The following TTN variants were observed in gnomAD, a reference collection of about 807,000 sequenced individuals.
The protein encoded by TTN is connectin.
Under a neutral mutation model 3,223.0 loss-of-function variants are expected in TTN, and 1,525 were observed. The observed-to-expected ratio is 0.47, with a 90% CI of 0.45 to 0.49. The LOEUF (loss-of-function observed/expected upper bound fraction) is 0.49, where lower values mean the gene tolerates loss of function less well. TTN is among the 20% of genes least tolerant of loss of function. TTN has a pLI of 0.00. For missense variants in TTN, 40,786 were observed against 43,424.0 expected (o/e 0.94, Z 5.40); for synonymous variants, 14,094 against 15,161.0 (o/e 0.93, Z 5.17).
Position 178,740,164 on chromosome 2 carries a change from T to C in TTN, c.13069A>G (p.Ile4357Val). ...DNVVMPPDQI[I>V]ESKREPVAIK... Reference sequence around the variant, plus strand: ...GCCACGGGCTCTCTTTTAGACTCAATGATTTGGTCTGGGGGCATCACCACG... The same window carrying C: ...GCCACGGGCTCTCTTTTAGACTCAACGATTTGGTCTGGGGGCATCACCACG... Residue 4357 changes from isoleucine to valine, a missense_variant, in exon 48 of 363, where the codon ATT becomes GTT. Coordinates refer to ENST00000589042, the MANE Select transcript of TTN (RefSeq NM_001267550.2). 1 of 1,613,756 alleles carries C rather than the reference T, an allele frequency of 6.2e-7. No individual in the cohort carries two copies. The highest frequency in any genetic ancestry group is 8.5e-7 in the Non-Finnish European group (1 of 1,179,796).
In TTN at chr2:178,567,572, T is replaced by C; in HGVS notation, c.78560A>G (p.Glu26187Gly). The change falls in exon 326 of 363, where the codon GAG (glutamate) becomes GGG (glycine). Residue 26187 changes from glutamate (E) to glycine (G), a missense_variant. Coordinates refer to ENST00000589042, the MANE Select transcript of TTN (RefSeq NM_001267550.2). Reference sequence around the variant, plus strand: ...CATTGAAATTCTTGGGAGTTCAACCTCATCCTTGGCAGTTATTGGTCCAGT... The same window carrying C: ...CATTGAAATTCTTGGGAGTTCAACCCCATCCTTGGCAGTTATTGGTCCAGT... ...DSTGPITAKD[E>G]VELPRISMDP... The C allele has an allele frequency of 1.9e-6, 3 of 1,609,502 alleles. No homozygotes were observed. The highest frequency in any genetic ancestry group is 1.7e-6 in the Non-Finnish European group (2 of 1,177,222).
rs758532843 is a variant in TTN, at chr2:178,551,063, C to A, written c.91468G>T (p.Asp30490Tyr). 13 of 1,613,342 alleles carry A rather than the reference C, an allele frequency of 8.1e-6. No individual in the cohort carries two copies. Among genetic ancestry groups the A allele is most frequent in the Non-Finnish European group, 1.1e-5 (13 of 1,179,596 alleles). Residue 30490 changes from aspartate to tyrosine, a missense_variant, in exon 336 of 363, where the codon GAT becomes TAT. Physicochemically the swap from Asp to Tyr is radical, Grantham distance 160. Transcript: ENST00000589042. ...QYTVTGLSPG[D>Y]RYEFRIIARN... ...GCAATTATTCTGAACTCATAGCGAT[C>A]CCCAGGACTGAGTCCTGTAACTGTG...
Position 178,733,606 on chromosome 2 carries a change from A to G in TTN, c.15775+8T>C, listed in dbSNP as rs371673901. ...AGCAATTTGAGGTTTAAATGTTCCT[A>G]CACAAACCTTTAACTATTAATTCCC... On this transcript the variant is annotated splice_region_variant and intron_variant, in intron 53 of 362. Transcript: ENST00000589042. 11 of 1,606,954 alleles carry G rather than the reference A, an allele frequency of 6.8e-6. No individual in the cohort carries two copies. The highest frequency in any genetic ancestry group is 8.5e-6 in the Non-Finnish European group (10 of 1,175,058).
In TTN at chr2:178,614,324, A is replaced by G. The variant is rs556089848; in HGVS notation, c.49073T>C (p.Phe16358Ser). ...VLDKPGPPAA[F>S]DITDVTNESC... ...CTCATTGGTTACATCTGTGATGTCA[A>G]AGGCAGCTGGTGGTCCGGGTTTATC... Residue 16358 changes from phenylalanine to serine, a missense_variant, in exon 262 of 363, where the codon TTT becomes TCT. Physicochemically the swap from Phe to Ser is radical, Grantham distance 155 (BLOSUM62 -2). Transcript: ENST00000589042. 3.1e-6 allele frequency: 5 copies of G among 1,612,720 alleles called. No individual in the cohort carries two copies. In the South Asian group the frequency reaches 5.5e-5, roughly 18 times the overall value.
At chr2:178,667,779 A>G in intron 159 of TTN, 58 bp from the exon 160 acceptor site, 1 of 1,229,096 alleles carries the variant, frequency 8.1e-7, no homozygotes, top group Non-Finnish European at 1.1e-6. Flanking sequence ...AAAGAAGTGT[A>G]TTAAGAAAAA....
Position 178,775,662 on chromosome 2 carries a change from T to C in TTN, c.6202A>G (p.Lys2068Glu). The C allele has an allele frequency of 6.2e-7, 1 of 1,614,132 alleles. No individual in the cohort carries two copies. Among genetic ancestry groups the C allele is most frequent in the Non-Finnish European group, 8.5e-7 (1 of 1,180,006 alleles). Residue 2068 changes from lysine to glutamate, a missense_variant, in exon 28 of 363, where the codon AAG (lysine) becomes GAG (glutamate). Coordinates refer to ENST00000589042, the MANE Select transcript of TTN (RefSeq NM_001267550.2). ...TCCATACTAGGACTTAGTTCAATCT[T>C]GTCAGGTTTAAAAGTTGGAATCGTG... ...KITIPTFKPDKIELSPSMEAP... is the reference protein window; with the variant it reads ...KITIPTFKPDEIELSPSMEAP...
In TTN at chr2:178,597,757, C is replaced by T. The variant is rs945083650; in HGVS notation, c.57325G>A (p.Val19109Met). ...GACACATAGGCAATGATTCGGATCACCCCTCCAGCATGGACAACAATTCTA... is the reference window on the plus strand; with the variant it reads ...GACACATAGGCAATGATTCGGATCATCCCTCCAGCATGGACAACAATTCTA... The part of the protein sequence containing the change: ...RDRIVVHAGG[V>M]IRIIAYVSGK... The change falls in exon 294 of 363, where the codon GTG (valine) becomes ATG (methionine). Residue 19109 changes from valine to methionine, a missense_variant. Val to Met is a conservative substitution (Grantham distance 21). Coordinates refer to ENST00000589042, the MANE Select transcript of TTN (RefSeq NM_001267550.2). The T allele has an allele frequency of 8.7e-6, 14 of 1,613,188 alleles. No individual in the cohort carries two copies. In the East Asian group the frequency reaches 3.1e-4, roughly 36 times the overall value.
At position 178,530,616 on chromosome 2, in the gene TTN, C is replaced by T. The variant is rs764231632; in HGVS notation, c.105999G>A (p.Gln35333=). The part of the protein sequence containing the change: ...GKKLKENGHF[Q]FHYSADGTYE... Reference sequence around the variant, plus strand: ...AGGTACCATCTGCTGAATAATGAAACTGGAAATGCCCATTTTCCTTCAGTT... The same window carrying T: ...AGGTACCATCTGCTGAATAATGAAATTGGAAATGCCCATTTTCCTTCAGTT... The change falls in exon 358 of 363, where the codon CAG becomes CAA. Residue 35333 remains glutamine, a synonymous_variant. Coordinates refer to ENST00000589042, the MANE Select transcript of TTN (RefSeq NM_001267550.2). 1.4e-5 allele frequency: 22 copies of T among 1,613,906 alleles called. No individual in the cohort carries two copies. Among genetic ancestry groups the T allele is most frequent in the Non-Finnish European group, 1.9e-5 (22 of 1,179,908 alleles).
rs919241154 is a variant in TTN at position 178,599,167 on chromosome 2, C to T, written c.56626G>A (p.Glu18876Lys). Residue 18876 changes from glutamate to lysine, a missense_variant, in exon 290 of 363, where the codon GAA (glutamate) becomes AAA (lysine). Glu to Lys is a moderately conservative substitution (Grantham distance 56). Transcript: ENST00000589042. The part of the protein sequence containing the change: ...GIGEPLDSEP[E>K]TARNLFSVPG... ...TTACAGAAGAGGTTTCTTGCTGTTT[C>T]AGGTTCACTGTCAAGAGGTTCTCCA... is the stretch of plus-strand genomic sequence containing the variant. 3.3e-6 allele frequency: 5 copies of T among 1,506,974 alleles called. No homozygotes were observed. The highest frequency in any genetic ancestry group is 4.4e-6 in the Non-Finnish European group (5 of 1,131,790). The allele number at this position is 1,506,974 out of a possible 1,614,324, so 93.4% of individuals were successfully genotyped here.
chr2:178,734,099 C>A (rs182652952), intron 52 of TTN, among the ~76,000 whole-genome samples: 1 of 152,120 alleles, frequency 6.6e-6, no homozygotes, highest in Admixed American at 6.5e-5. Context: ...TGTCAGCTGA[C>A]AAAATGGCTT....
chr2:178,798,564 C>T (rs1461409884), intron 6 of TTN: 1 of 152,136 alleles, frequency 6.6e-6, no homozygotes, highest in African/African-American at 2.4e-5. Context: ...TTTCTATTTA[C>T]AAGGCACTTT....
At chr2:178,678,036 T>C (rs1192087332) in intron 145 of TTN, 89 bp downstream of exon 145, 2 of 1,554,478 alleles carry the variant, frequency 1.3e-6, no homozygotes, top group Non-Finnish European at 1.7e-6. Flanking sequence ...ATTATCAACA[T>C]AAATACTAAG....
At chr2:178,752,001 C>A in intron 47 of TTN, 2 of 1,592,978 alleles carry the variant, frequency 1.3e-6, no homozygotes, top group Non-Finnish European at 1.7e-6. Flanking sequence ...TCACGTGTAT[C>A]CCTTTCTGAA....
rs1159939654 is a variant in TTN, at chr2:178,711,357, A to G, written c.27887-8T>C. 1 of 1,584,622 alleles carries G rather than the reference A, an allele frequency of 6.3e-7. No homozygotes were observed. Among genetic ancestry groups the G allele is most frequent in the African/African-American group, 1.4e-5 (1 of 73,758 alleles). Reference sequence around the variant, plus strand: ...ATGGTGGAAGTTTTTGCTCTGTAGGAACAGAATAAAAGTAACAAATACTTT... The same window carrying G: ...ATGGTGGAAGTTTTTGCTCTGTAGGGACAGAATAAAAGTAACAAATACTTT... On this transcript the variant is annotated splice_polypyrimidine_tract_variant and splice_region_variant and intron_variant, in intron 96 of 362. Transcript: ENST00000589042.
At chr2:178,733,152 C>A (rs767440574) in intron 54 of TTN, 31 bp from the exon 55 acceptor site, 3 of 1,565,142 alleles carry the variant, frequency 1.9e-6, no homozygotes, top group South Asian at 2.5e-5. Flanking sequence ...GAGAAAAGGT[C>A]AATATAGAAG....
At position 178,717,595 on chromosome 2, in the gene TTN, T is replaced by C. The variant is rs748483075; in HGVS notation, c.25279A>G (p.Ile8427Val). ...GAAGCAGAGCAATTATACTGCCCTA[T>C]GTGGCTCTGGTCAGTTTGTAAAATC... Reference protein sequence around the residue: ...LQILQTDQSHIGQYNCSASNP... With the variant: ...LQILQTDQSHVGQYNCSASNP... Residue 8427 changes from isoleucine to valine, a missense_variant, in exon 87 of 363, where the codon ATA (isoleucine) becomes GTA (valine). By Grantham distance (29) the Ile-to-Val change is conservative. Transcript: ENST00000589042. 25 of 1,613,250 alleles carry C rather than the reference T, an allele frequency of 1.5e-5. No homozygotes were observed. The highest frequency in any genetic ancestry group is 2.1e-5 in the Non-Finnish European group (25 of 1,179,592).
intron 46 of TTN, chr2:178,754,047 CTG>C (rs2086292100): frequency 6.6e-6 from 1 of 152,022 alleles, no homozygotes; most frequent in African/African-American, 2.4e-5. Flanking sequence ...CATAAATTAG[CTG>C]TGTTTGTAAG....
At chr2:178,759,193 GA>G in intron 43 of TTN, 21 bp from the exon 44 acceptor site, 1 of 1,613,598 alleles carries the variant, frequency 6.2e-7, no homozygotes, top group Non-Finnish European at 8.5e-7. Flanking sequence ...AAAGAAAAGA[GA>G]TACTTCAACC....
Position 178,619,017 on chromosome 2 carries a change from TTTG to T in TTN, c.46697-167_46697-165del, listed in dbSNP as rs148909508. On this transcript the variant is annotated intron_variant, in intron 250 of 362. Transcript: ENST00000589042. Reference sequence around the variant, plus strand: ...AAGTGGCTTAGAGTTCTCATAGCTTTTTGTTGTTGTTGTGCGTGCAAATTAGAT... The same window carrying T: ...AAGTGGCTTAGAGTTCTCATAGCTTTTTGTTGTTGTGCGTGCAAATTAGAT... 0.023 allele frequency: 21,093 copies of T among 933,528 alleles called. 628 individuals carry two copies. Among genetic ancestry groups the T allele is most frequent in the East Asian group, 0.13 (4,854 of 36,922 alleles). 57.8% of individuals were successfully genotyped at this position (933,528 alleles called of 1,614,324 possible). A position where few individuals can be genotyped will look rare whatever the true frequency, so the allele number is the denominator to read the frequency against.
Sources: gnomAD v4.1 joint callset for allele counts (sites outside exome capture counted in the v4.1 genomes callset) on GRCh38, gnomAD v4.1.1 for gene constraint, MANE v1.5 for transcripts, NCBI Gene and HGNC (gene_info 2026-07-23, HGNC 2026-07-21) for gene names.